The following ACTR6 variants were observed in gnomAD, a reference collection of about 807,000 sequenced individuals.
ACTR6 encodes the protein actin-related protein 6.
A neutral mutation model predicts 52.5 loss-of-function variants in ACTR6; 50 were observed. The ratio of observed to expected loss-of-function variants is 0.95; its 90% CI spans 0.76 to 1.20. ACTR6 has a LOEUF of 1.20. ACTR6 is among the 50% of genes most tolerant of loss of function. The pLI, the probability that ACTR6 is intolerant of heterozygous loss-of-function variation, is 0.00. For missense variants in ACTR6, 344 were observed against 472.4 expected (o/e 0.73, Z 2.52); for synonymous variants, 135 against 147.2 (o/e 0.92, Z 0.60).
Position 100,200,860 on chromosome 12 carries a change from C to CA in ACTR6, c.9_10insA (p.Leu4IlefsTer5). On this transcript the variant is annotated frameshift_variant, in exon 1 of 11. Transcript: ENST00000188312. LOFTEE classifies it high-confidence loss of function. ...GTGTGGTTGGTGGTGAGATGACGAC[C>CA]TTAGTGCTGGATAATGGAGCTTACA... 4 of 1,614,104 alleles carry CA rather than the reference C, an allele frequency of 2.5e-6. No homozygotes were observed. Among genetic ancestry groups the CA allele is most frequent in the Non-Finnish European group, 3.4e-6 (4 of 1,180,014 alleles).
chr12:100,220,003 T>TA lies in ACTR6; in HGVS notation c.923-2dup. On this transcript the variant is annotated splice_polypyrimidine_tract_variant and splice_region_variant and intron_variant, in intron 9 of 10. Coordinates refer to ENST00000188312, the MANE Select transcript of ACTR6 (RefSeq NM_022496.5). ...TCCTTTCCTTCTCCTTTTCTTCTTT[T>TA]AAAGAAATGCAGCCGCATTTTTTTA... 2 of 1,611,374 alleles carry TA rather than the reference T, an allele frequency of 1.2e-6. No individual in the cohort carries two copies. The highest frequency in any genetic ancestry group is 1.7e-6 in the Non-Finnish European group (2 of 1,179,186).
At position 100,200,880 on chromosome 12, in the gene ACTR6, C is replaced by T. The variant is rs1225991225; in HGVS notation, c.29C>T (p.Ala10Val). 6.2e-7 allele frequency: 1 copy of T among 1,614,134 alleles called. No individual in the cohort carries two copies. Among genetic ancestry groups the T allele is most frequent in the African/African-American group, 1.3e-5 (1 of 75,028 alleles). MTTLVLDNG[A>V]YNAKIGYSHE... ...ACGACCTTAGTGCTGGATAATGGAGCTTACAACGCCAAAATCGGTTACAGC... is the reference window on the plus strand; with the variant it reads ...ACGACCTTAGTGCTGGATAATGGAGTTTACAACGCCAAAATCGGTTACAGC... Residue 10 changes from alanine to valine, a missense_variant, in exon 1 of 11, where the codon GCT (alanine) becomes GTT (valine). Coordinates refer to ENST00000188312, the MANE Select transcript of ACTR6 (RefSeq NM_022496.5).
intron 6 of ACTR6, among the ~76,000 whole-genome samples, chr12:100,210,669 G>T (rs749382921): frequency 6.6e-5 from 10 of 150,822 alleles, no homozygotes; most frequent in Non-Finnish European, 1.3e-4. Flanking sequence ...AGTGAGCCGA[G>T]ATCGCGCCAC....
In ACTR6 at chr12:100,218,309, T is replaced by G; in HGVS notation, c.751-106T>G. 1 of 675,010 alleles carries G rather than the reference T, an allele frequency of 1.5e-6. No individual in the cohort carries two copies. Among genetic ancestry groups the G allele is most frequent in the African/African-American group, 1.9e-5 (1 of 52,478 alleles). 41.8% of individuals were successfully genotyped at this position (675,010 alleles called of 1,614,324 possible). On this transcript the variant is annotated intron_variant, in intron 8 of 10. Coordinates refer to ENST00000188312, the MANE Select transcript of ACTR6 (RefSeq NM_022496.5). This position sits in a 1 kb window ranked among gnomAD's most constrained non-coding sequence, Gnocchi z 4.2. ...ATCCTGAAACTTCCAAGAACATTATTAATATATTATTAATATATTATTGCA... is the reference window on the plus strand; with the variant it reads ...ATCCTGAAACTTCCAAGAACATTATGAATATATTATTAATATATTATTGCA...
chr12:100,205,348 A>T (rs1024970176), intron 2 of ACTR6: 20 of 293,192 alleles, frequency 6.8e-5, no homozygotes, highest in Admixed American at 1.5e-4. Context: ...CTGACATTTT[A>T]GTTATTGCTT....
chr12:100,219,616 T>C (rs931303420), intron 9 of ACTR6, among the ~76,000 whole-genome samples: 1 of 152,050 alleles, frequency 6.6e-6, no homozygotes, highest in African/African-American at 2.4e-5. Context: ...ATCCTTGTGG[T>C]AGCTCACAGT....
At chr12:100,207,631 T>C (rs1566292247) in intron 3 of ACTR6, 32 bp from the exon 4 acceptor site, 1 of 1,393,202 alleles carries the variant, frequency 7.2e-7, no homozygotes, top group African/African-American at 1.4e-5. Flanking sequence ...CATTACAAAT[T>C]ATGAAACATT....
At chr12:100,211,828 A>T (rs1175600593) in intron 6 of ACTR6, among the ~76,000 whole-genome samples, 1 of 152,140 alleles carries the variant, frequency 6.6e-6, no homozygotes, top group East Asian at 1.9e-4. Flanking sequence ...TAGTAAGCCA[A>T]TGTTTAAGCT....
chr12:100,207,941 A>C, intron 4 of ACTR6, 155 bp downstream of exon 4: 5 of 701,844 alleles, frequency 7.1e-6, no homozygotes, highest in Non-Finnish European at 1.2e-5. Context: ...CGAGTAGATC[A>C]CTTGAGTTTA....
rs757842084 is a variant in ACTR6, at chr12:100,218,364, CAT to C, written c.751-50_751-49del. 6 of 1,338,464 alleles carry C rather than the reference CAT, an allele frequency of 4.5e-6. No homozygotes were observed. The South Asian group carries it at 8.5e-5, about 19-fold the overall frequency. The allele number at this position is 1,338,464 out of a possible 1,614,324, so 82.9% of individuals were successfully genotyped here. On this transcript the variant is annotated intron_variant, in intron 8 of 10. Transcript: ENST00000188312. The surrounding 1 kb of genome is among the most constrained non-coding windows in gnomAD (Gnocchi z 4.2). ...TAATTGCATATTACTAATTATTAGT[CAT>C]GTGAGCTAGATAATATAACTTAAAC...
chr12:100,213,935 T>A (rs1321959547), intron 8 of ACTR6, among the ~76,000 whole-genome samples: 3 of 152,186 alleles, frequency 2.0e-5, no homozygotes, highest in Non-Finnish European at 4.4e-5. Context: ...GCAGTGTACT[T>A]TAAAATAATG....
chr12:100,221,013 C>CAAAAAAA, intron 10 of ACTR6, among the ~76,000 whole-genome samples: 1 of 100,770 alleles, frequency 9.9e-6, no homozygotes, highest in Non-Finnish European at 2.2e-5. Flanking sequence ...ACCCCCCTGG[C>CAAAAAAA]AAAAAAAAAA....
At chr12:100,202,094 G>T (rs1473790506) in intron 1 of ACTR6, among the ~76,000 whole-genome samples, 1 of 152,064 alleles carries the variant, frequency 6.6e-6, no homozygotes, top group Non-Finnish European at 1.5e-5. Flanking sequence ...ACCACGCCTG[G>T]CTAAGTTTTG....
rs913833757 is a variant in ACTR6, at chr12:100,218,843, G to C, written c.922+257G>C. Among the ~76,000 whole-genome samples, 3 of 151,978 alleles carry C rather than the reference G, an allele frequency of 2.0e-5. No individual in the cohort carries two copies. Among genetic ancestry groups the C allele is most frequent in the African/African-American group, 7.2e-5 (3 of 41,384 alleles). ...CTTGAAGAAATGTATCTCTCCATGA[G>C]CATTAAATTGCCATATCCATTTTAG... On this transcript the variant is annotated intron_variant, in intron 9 of 10. Coordinates refer to ENST00000188312, the MANE Select transcript of ACTR6 (RefSeq NM_022496.5). This position sits in a 1 kb window ranked among gnomAD's most constrained non-coding sequence, Gnocchi z 4.2.
intron 4 of ACTR6, chr12:100,208,086 G>A: frequency 3.7e-6 from 1 of 270,368 alleles, no homozygotes; most frequent in South Asian, 3.8e-5. Flanking sequence ...GTTTGAGCCT[G>A]GGAGGTTGAA....
intron 8 of ACTR6, among the ~76,000 whole-genome samples, chr12:100,213,307 G>A (rs544927031): frequency 6.6e-6 from 1 of 152,216 alleles, no homozygotes; most frequent in East Asian, 1.9e-4. Context: ...TGCCTAGGCT[G>A]ACCTTGAACT....
In ACTR6 at chr12:100,218,086, C is replaced by T. The variant is rs1014787828; in HGVS notation, c.751-329C>T. Among the ~76,000 whole-genome samples, 8 of 152,084 alleles carry T rather than the reference C, an allele frequency of 5.3e-5. No individual in the cohort carries two copies. The highest frequency in any genetic ancestry group is 2.1e-4 in the South Asian group (1 of 4,832). On this transcript the variant is annotated intron_variant, in intron 8 of 10. Coordinates refer to ENST00000188312, the MANE Select transcript of ACTR6 (RefSeq NM_022496.5). The surrounding 1 kb of genome is among the most constrained non-coding windows in gnomAD (Gnocchi z 4.2). ...AACTCCCGGGCTCAAGTGATCCATC[C>T]GCCTTGACCTCCCAAAGTGCTGGGA... is the stretch of plus-strand genomic sequence containing the variant.
rs759334457 is a variant in ACTR6 at position 100,207,796 on chromosome 12, A to G, written c.379+10A>G. ...GTATTAAGAGTAAATGGTGAGTTCAAGTTTTCACTGAAATTGAGTTATATG... is the reference window on the plus strand; with the variant it reads ...GTATTAAGAGTAAATGGTGAGTTCAGGTTTTCACTGAAATTGAGTTATATG... On this transcript the variant is annotated intron_variant, in intron 4 of 10. Transcript: ENST00000188312. 6.3e-7 allele frequency: 1 copy of G among 1,591,004 alleles called. No individual in the cohort carries two copies. Among genetic ancestry groups the G allele is most frequent in the Non-Finnish European group, 8.6e-7 (1 of 1,163,648 alleles).
At chr12:100,202,675 G>T (rs1037723454) in intron 1 of ACTR6, among the ~76,000 whole-genome samples, 3 of 151,938 alleles carry the variant, frequency 2.0e-5, no homozygotes, top group African/African-American at 7.3e-5. Flanking sequence ...TGGCTAACAC[G>T]GCGAAACCCT....
Sources: gnomAD v4.1 joint callset for allele counts (sites outside exome capture counted in the v4.1 genomes callset) on GRCh38, gnomAD v4.1.1 for gene constraint, Gnocchi (gnomAD v3.1) non-coding constraint, MANE v1.5 for transcripts, NCBI Gene and HGNC (gene_info 2026-07-23, HGNC 2026-07-21) for gene names.